The following RCBTB1 variants were observed in gnomAD, a reference collection of about 807,000 sequenced individuals.
RCBTB1 encodes RCC1 and BTB domain containing protein 1.
A neutral mutation model predicts 62.4 loss-of-function variants in RCBTB1; 46 were observed. The observed-to-expected ratio is 0.74, with a 90% CI of 0.58 to 0.94. RCBTB1 has a LOEUF of 0.94. Among genes scored for constraint, RCBTB1 ranks in the 40% least tolerant of loss-of-function variants. The pLI is 0.00. For synonymous variants in RCBTB1, 222 were observed against 245.8 expected, an observed-to-expected ratio of 0.90 and a Z score of 0.91; for missense variants, 565 against 654.9, an observed-to-expected ratio of 0.86 and a Z score of 1.50.
chr13:49,584,268 A>AT (rs11420011), intron 1 of RCBTB1, among the ~76,000 whole-genome samples: 126,934 of 152,178 alleles, frequency 0.83, 53,091 homozygotes, highest in East Asian at 0.89. Flanking sequence ...ACTTGCAAAA[A>AT]TCTCTTTAAA....
chr13:49,538,846 C>T lies in RCBTB1; in HGVS notation c.1455+2030G>A, dbSNP rs560690142. ...TTCTTTCTATTCTCTAATTTTTCTA[C>T]GTTGAATCTGTAATATTTGTAGGAT... On this transcript the variant is annotated intron_variant, in intron 12 of 12. Coordinates refer to ENST00000378302, the MANE Select transcript of RCBTB1 (RefSeq NM_018191.4). Among the ~76,000 whole-genome samples, 495 of 150,988 alleles carry T rather than the reference C, an allele frequency of 3.3e-3. 3 individuals are homozygous for T. Among genetic ancestry groups the T allele is most frequent in the Non-Finnish European group, 6.0e-3 (410 of 67,828 alleles).
chr13:49,536,165 T>C (rs1959927995), intron 12 of RCBTB1, among the ~76,000 whole-genome samples: 1 of 152,208 alleles, frequency 6.6e-6, no homozygotes, highest in Non-Finnish European at 1.5e-5. Context: ...TACTGAGGTA[T>C]CTGGGTATGC....
chr13:49,559,384 C>T (rs530569357), intron 5 of RCBTB1, among the ~76,000 whole-genome samples: 34 of 152,178 alleles, frequency 2.2e-4, no homozygotes, highest in Middle Eastern at 3.4e-3. Context: ...TGGCTGGGCA[C>T]GGTGGCTCAC....
intron 2 of RCBTB1, 119 bp from the exon 3 acceptor site, chr13:49,567,439 G>T: frequency 1.4e-6 from 1 of 700,184 alleles, no homozygotes; most frequent in Non-Finnish European, 2.3e-6. Flanking sequence ...AACTACCTTT[G>T]GTTACATGGA....
chr13:49,562,208 T>C lies in RCBTB1; in HGVS notation c.278-2124A>G, dbSNP rs78166242. On this transcript the variant is annotated intron_variant, in intron 4 of 12. Transcript: ENST00000378302. The stretch of plus-strand genomic sequence containing the variant: ...AGCAACAAGTTCTGGAAAGAAACAT[T>C]TAAAGATCAAGAAAGAACACTTGGA... Among the ~76,000 whole-genome samples the C allele has an allele frequency of 4.2e-3, 634 of 152,108 alleles. 4 individuals carry two copies. The highest frequency in any genetic ancestry group is 0.015 in the African/African-American group (608 of 41,500).
At chr13:49,553,385 A>T (rs1961547246) in intron 6 of RCBTB1, among the ~76,000 whole-genome samples, 1 of 152,186 alleles carries the variant, frequency 6.6e-6, no homozygotes, top group South Asian at 2.1e-4. Context: ...GTTAGCAAAT[A>T]GGTGAGCTCT....
At chr13:49,577,610 GAA>G (rs1963861864) in intron 2 of RCBTB1, among the ~76,000 whole-genome samples, 1 of 152,160 alleles carries the variant, frequency 6.6e-6, no homozygotes, top group Non-Finnish European at 1.5e-5. Flanking sequence ...TAGAGCTAAG[GAA>G]AAGAGTGGGA....
chr13:49,584,687 G>A (rs1456006750), intron 1 of RCBTB1, among the ~76,000 whole-genome samples: 1 of 152,180 alleles, frequency 6.6e-6, no homozygotes, highest in East Asian at 1.9e-4. Context: ...GCAAAAGCAA[G>A]GAAGATCATG....
rs761397358 is a variant in RCBTB1, at chr13:49,533,963, C to G, written c.*159G>C. The G allele has an allele frequency of 7.6e-6, 5 of 657,414 alleles. No individual in the cohort carries two copies. Among genetic ancestry groups the G allele is most frequent in the Non-Finnish European group, 1.0e-5 (4 of 396,244 alleles). 40.7% of individuals were successfully genotyped at this position (657,414 alleles called of 1,614,324 possible). A position where few individuals can be genotyped will look rare whatever the true frequency, so the allele number is the denominator to read the frequency against. On this transcript the variant is annotated 3_prime_UTR_variant, in exon 13 of 13. Transcript: ENST00000378302. ...AAATGGGCTCAAGAAAAGCCGTACA[C>G]CCTTGTTATGTTCCTACACAAACAA...
At chr13:49,554,821 C>A (rs1391148383) in intron 6 of RCBTB1, among the ~76,000 whole-genome samples, 2 of 152,198 alleles carry the variant, frequency 1.3e-5, no homozygotes, top group Non-Finnish European at 2.9e-5. Flanking sequence ...TGAAACCAGT[C>A]CCTGGTGCCA....
At chr13:49,567,341 C>A (rs2137321834) in intron 2 of RCBTB1, 21 bp from the exon 3 acceptor site, 1 of 1,559,790 alleles carries the variant, frequency 6.4e-7, no homozygotes, top group Non-Finnish European at 8.7e-7. Flanking sequence ...AGAAAGGATT[C>A]CAGAAAAAAA....
rs143715960 is a variant in RCBTB1, at chr13:49,569,148, A to G, written c.-41-1828T>C. 5.8e-3 allele frequency among the ~76,000 whole-genome samples: 890 copies of G among 152,324 alleles called. 2 individuals are homozygous for G. The highest frequency in any genetic ancestry group is 0.01 in the Non-Finnish European group (688 of 68,022). Reference sequence around the variant, plus strand: ...AGTCTGAACTCTTCACCTCTCACTCACATTTTAAGAGCCCACTGTCAGCCT... The same window carrying G: ...AGTCTGAACTCTTCACCTCTCACTCGCATTTTAAGAGCCCACTGTCAGCCT... On this transcript the variant is annotated intron_variant, in intron 2 of 12. Coordinates refer to ENST00000378302, the MANE Select transcript of RCBTB1 (RefSeq NM_018191.4).
At chr13:49,554,613 T>C (rs1317877040) in intron 6 of RCBTB1, among the ~76,000 whole-genome samples, 3 of 152,188 alleles carry the variant, frequency 2.0e-5, no homozygotes, top group African/African-American at 7.2e-5. Context: ...TATTACTGCC[T>C]GAGCGCCACC....
chr13:49,567,762 G>T (rs7332926), intron 2 of RCBTB1, among the ~76,000 whole-genome samples: 1 of 151,792 alleles, frequency 6.6e-6, no homozygotes, highest in African/African-American at 2.4e-5. Flanking sequence ...GCACCAACTT[G>T]GATGACAAGG....
chr13:49,545,668 T>G (rs531514844), intron 9 of RCBTB1, among the ~76,000 whole-genome samples: 30 of 152,210 alleles, frequency 2.0e-4, no homozygotes, highest in Admixed American at 1.6e-3. Context: ...ATGGGGAAAT[T>G]TTTTTAAATT....
intron 2 of RCBTB1, among the ~76,000 whole-genome samples, chr13:49,579,434 T>C (rs983169431): frequency 6.6e-5 from 10 of 151,946 alleles, no homozygotes; most frequent in Non-Finnish European, 1.2e-4. Context: ...CCATCCTGGC[T>C]AACACAGCGA....
rs141530252 is a variant in RCBTB1 at position 49,544,677 on chromosome 13, G to T, written c.1172+60C>A. Reference sequence around the variant, plus strand: ...GCTATTTTTTATCAGTACTCATTTTGTGGAATAACAAAGAAAGAAAAGTCA... The same window carrying T: ...GCTATTTTTTATCAGTACTCATTTTTTGGAATAACAAAGAAAGAAAAGTCA... On this transcript the variant is annotated intron_variant, in intron 10 of 12. Transcript: ENST00000378302. 40 of 1,431,376 alleles carry T rather than the reference G, an allele frequency of 2.8e-5. No homozygotes were observed. In the African/African-American group the frequency reaches 4.8e-4, roughly 17 times the overall value. 88.7% of individuals were successfully genotyped at this position (1,431,376 alleles called of 1,614,324 possible). A position where few individuals can be genotyped will look rare whatever the true frequency, so the allele number is the denominator to read the frequency against.
At chr13:49,551,121 G>C (rs532981910) in intron 8 of RCBTB1, 164 of 523,354 alleles carry the variant, frequency 3.1e-4, no homozygotes, top group African/African-American at 3.0e-3. Flanking sequence ...GGAAGGGAAG[G>C]GAAGGGGGGA....
chr13:49,542,470 A>T (rs976627114), intron 10 of RCBTB1, among the ~76,000 whole-genome samples: 4 of 152,130 alleles, frequency 2.6e-5, no homozygotes, highest in Admixed American at 6.5e-5. Context: ...TGTTTTTTTT[A>T]AAATGATGTA....
Sources: allele counts gnomAD v4.1 joint callset (sites outside exome capture counted in the v4.1 genomes callset), GRCh38; gene constraint gnomAD v4.1.1; transcripts MANE v1.5; gene names NCBI Gene and HGNC (gene_info 2026-07-23, HGNC 2026-07-21).